The following FAT3 variants were observed in gnomAD, a reference collection of about 807,000 sequenced individuals.
FAT3 encodes the protein FAT atypical cadherin 3.
In FAT3, 95 loss-of-function variants were observed where a neutral mutation model predicts 310.2. The observed-to-expected ratio is 0.31, with a 90% CI of 0.26 to 0.36. FAT3 has a LOEUF of 0.36. Among genes scored for constraint, FAT3 ranks in the 10% least tolerant of loss-of-function variants. FAT3 has a pLI of 1.00. For synonymous variants in FAT3, 2,314 were observed against 2,192.9 expected (o/e 1.06, Z -1.54); for missense variants, 5,408 against 5,715.6 (o/e 0.95, Z 1.74).
intron 4 of FAT3, among the ~76,000 whole-genome samples, chr11:92,703,844 C>G (rs142355274): frequency 6.4e-4 from 97 of 152,332 alleles, no homozygotes; most frequent in Non-Finnish European, 7.9e-4. Context: ...TCCTAGAGTA[C>G]TAAACTGCAG....
intron 4 of FAT3, among the ~76,000 whole-genome samples, chr11:92,714,019 A>G (rs1420625478): frequency 3.1e-5 from 3 of 97,588 alleles, no homozygotes. Flanking sequence ...TTTTGAAAAG[A>G]GGAGACTCTC....
At chr11:92,548,423 T>G (rs1056635967) in intron 3 of FAT3, among the ~76,000 whole-genome samples, 2 of 152,206 alleles carry the variant, frequency 1.3e-5, no homozygotes, top group African/African-American at 4.8e-5. Context: ...TACAAGGACA[T>G]TCTTAGGCTT....
chr11:92,440,312 A>G (rs957402671), intron 2 of FAT3, among the ~76,000 whole-genome samples: 3 of 152,200 alleles, frequency 2.0e-5, no homozygotes, highest in South Asian at 2.1e-4. Flanking sequence ...TATTAAGCCA[A>G]TGACCACTGT....
intron 2 of FAT3, among the ~76,000 whole-genome samples, chr11:92,442,109 A>ATTTTTTTTTTTTTTTT (rs1258493776): frequency 8.0e-5 from 4 of 50,090 alleles, no homozygotes; most frequent in African/African-American, 3.0e-4. Context: ...ATATATATAT[A>ATTTTTTTTTTTTTTTT]TATTTTTTTT....
chr11:92,787,223 A>T (rs1404223913), intron 7 of FAT3, among the ~76,000 whole-genome samples: 1 of 152,082 alleles, frequency 6.6e-6, no homozygotes, highest in African/African-American at 2.4e-5. Context: ...AAGAGTGTAT[A>T]TAGTATGTTT....
intron 1 of FAT3, among the ~76,000 whole-genome samples, chr11:92,281,221 G>A (rs1480562195): frequency 1.3e-5 from 2 of 152,070 alleles, no homozygotes; most frequent in Non-Finnish European, 2.9e-5. Flanking sequence ...ATTACTCTCT[G>A]TATGTTAAGT....
chr11:92,343,076 G>A (rs1948309088), intron 1 of FAT3, among the ~76,000 whole-genome samples: 1 of 152,172 alleles, frequency 6.6e-6, no homozygotes, highest in Non-Finnish European at 1.5e-5. Context: ...TACCTAGGGA[G>A]AAAATAAAGG....
At chr11:92,882,192 A>G (rs970327614) in intron 23 of FAT3, among the ~76,000 whole-genome samples, 1 of 151,968 alleles carries the variant, frequency 6.6e-6, no homozygotes, top group Non-Finnish European at 1.5e-5. Flanking sequence ...TCTACTCTTT[A>G]TTTCTCTCAT....
intron 2 of FAT3, among the ~76,000 whole-genome samples, chr11:92,427,488 T>C (rs1015813575): frequency 2.6e-5 from 4 of 152,172 alleles, no homozygotes; most frequent in African/African-American, 9.7e-5. Context: ...CCATTCAGTA[T>C]GATATTGGCT....
intron 10 of FAT3, among the ~76,000 whole-genome samples, chr11:92,802,450 A>C (rs559886105): frequency 6.6e-6 from 1 of 152,128 alleles, no homozygotes; most frequent in Non-Finnish European, 1.5e-5. Flanking sequence ...TGACAACCAA[A>C]ATTTTTTGGA....
rs567149229 is a variant in FAT3, at chr11:92,254,106, G to A, written c.-18+28932G>A. Among the ~76,000 whole-genome samples the A allele has an allele frequency of 3.3e-5, 5 of 152,280 alleles. No homozygotes were observed. In the South Asian group the frequency reaches 1.0e-3, roughly 32 times the overall value. ...ATCACCACACTCTGATGGGCTCTGG[G>A]TTAAGAGTTCTTGCATCATCCTCTC... On this transcript the variant is annotated intron_variant, in intron 1 of 27. Coordinates refer to ENST00000525166, the MANE Select transcript of FAT3 (RefSeq NM_001367949.2).
chr11:92,343,319 A>G (rs10830899), intron 1 of FAT3, among the ~76,000 whole-genome samples: 4 of 132,052 alleles, frequency 3.0e-5, no homozygotes, highest in Admixed American at 2.7e-4. Flanking sequence ...GGCTTTGGTT[A>G]GGGATTTTTT....
chr11:92,344,738 T>C (rs1458503792), intron 1 of FAT3, among the ~76,000 whole-genome samples: 1 of 152,108 alleles, frequency 6.6e-6, no homozygotes, highest in Non-Finnish European at 1.5e-5. Context: ...AAGTGCTTAG[T>C]TTAGATGGAA....
intron 4 of FAT3, among the ~76,000 whole-genome samples, chr11:92,729,576 GC>G (rs1945110237): frequency 6.6e-6 from 1 of 151,814 alleles, no homozygotes; most frequent in South Asian, 2.1e-4. Flanking sequence ...ACAGGAGCGT[GC>G]CCCCGTGCCT....
Position 92,391,435 on chromosome 11 carries a change from C to T in FAT3, c.3292+36031C>T, listed in dbSNP as rs190644725. On this transcript the variant is annotated intron_variant, in intron 2 of 27. Coordinates refer to ENST00000525166, the MANE Select transcript of FAT3 (RefSeq NM_001367949.2). ...TCTGGGAAGCAAAATGAGTGTCAAT[C>T]ACCCCTAAGCCTTGGCCCCAATGCT... is the stretch of plus-strand genomic sequence containing the variant. 9.8e-5 allele frequency among the ~76,000 whole-genome samples: 15 copies of T among 152,308 alleles called. No homozygotes were observed. The East Asian group carries it at 2.7e-3, about 27-fold the overall frequency.
chr11:92,713,028 A>G (rs1944573050), intron 4 of FAT3, among the ~76,000 whole-genome samples: 1 of 152,242 alleles, frequency 6.6e-6, no homozygotes, highest in Admixed American at 6.5e-5. Context: ...GACACTGCAC[A>G]CTGCTTACCA....
At chr11:92,640,684 T>G (rs1048634209) in intron 3 of FAT3, among the ~76,000 whole-genome samples, 1 of 152,182 alleles carries the variant, frequency 6.6e-6, no homozygotes, top group African/African-American at 2.4e-5. Flanking sequence ...ATGAATGCAG[T>G]TAGTATGAAC....
At position 92,837,659 on chromosome 11, in the gene FAT3, G is replaced by A; in HGVS notation, c.10225-4G>A. ...TTTACTGTCACCTCTTTGTACCTTG[G>A]CAGGTGTCTGGATACTCTCTGCTTG... On this transcript the variant is annotated splice_polypyrimidine_tract_variant and splice_region_variant and intron_variant, in intron 16 of 27. Coordinates refer to ENST00000525166, the MANE Select transcript of FAT3 (RefSeq NM_001367949.2). 6.2e-7 allele frequency: 1 copy of A among 1,613,600 alleles called. No individual in the cohort carries two copies. Among genetic ancestry groups the A allele is most frequent in the East Asian group, 2.2e-5 (1 of 44,858 alleles).
chr11:92,395,602 A>G (rs486414), intron 2 of FAT3, among the ~76,000 whole-genome samples: 150,132 of 150,234 alleles, frequency 1, 75,016 homozygotes, highest in Middle Eastern at 1. Context: ...TTTTTGAGAT[A>G]GAGTCTCGCT....
Sources: gnomAD v4.1 joint callset for allele counts (sites outside exome capture counted in the v4.1 genomes callset) on GRCh38, gnomAD v4.1.1 for gene constraint, MANE v1.5 for transcripts, NCBI Gene and HGNC (gene_info 2026-07-23, HGNC 2026-07-21) for gene names.